IQCM: variants seen among roughly 807,000 people sequenced by gnomAD.
IQCM encodes the protein IQ domain-containing protein M.
In IQCM, 45 loss-of-function variants were observed where a neutral mutation model predicts 57.6. The observed-to-expected ratio is 0.78, with a 90% CI of 0.62 to 1.00. The LOEUF (loss-of-function observed/expected upper bound fraction) is 1.00. Ranked by LOEUF, IQCM falls within the 50% of genes least tolerant of loss-of-function variation. The pLI is 0.00. For missense variants in IQCM, 468 were observed against 511.6 expected (o/e 0.91, Z 0.82); for synonymous variants, 148 against 158.9 (o/e 0.93, Z 0.51).
At chr4:149,808,652 C>G (rs1478250814) in intron 2 of IQCM, among the ~76,000 whole-genome samples, 1 of 152,034 alleles carries the variant, frequency 6.6e-6, no homozygotes, top group Non-Finnish European at 1.5e-5. Context: ...CAAAATACCA[C>G]ATGTATCCCC....
chr4:149,413,451 A>G (rs11099731), intron 13 of IQCM, among the ~76,000 whole-genome samples: 58,246 of 152,016 alleles, frequency 0.38, 12,017 homozygotes, highest in East Asian at 0.51. Flanking sequence ...AGGGGAGTGC[A>G]AATGCCAGGA....
intron 12 of IQCM, among the ~76,000 whole-genome samples, chr4:149,514,030 A>C (rs537045315): frequency 6.6e-6 from 1 of 152,212 alleles, no homozygotes; most frequent in South Asian, 2.1e-4. Context: ...TTTATGTGTC[A>C]CTCAAATATA....
rs151031049 is a variant in IQCM at position 149,511,599 on chromosome 4, G to C, written c.1228+36856C>G. ...TTAAACATTTAAAAAAATGTATTTC[G>C]TGAGATCTCCAGTTTGGGTCTGGTG... On this transcript the variant is annotated intron_variant, in intron 12 of 13. Coordinates refer to ENST00000636793, the MANE Select transcript of IQCM (RefSeq NM_001363507.2). Among the ~76,000 whole-genome samples the C allele has an allele frequency of 2.8e-3, 421 of 151,820 alleles. 3 individuals are homozygous for C. The highest frequency in any genetic ancestry group is 9.7e-3 in the African/African-American group (402 of 41,396).
At chr4:149,442,448 G>C (rs1012722151) in intron 12 of IQCM, among the ~76,000 whole-genome samples, 1 of 151,880 alleles carries the variant, frequency 6.6e-6, no homozygotes, top group Non-Finnish European at 1.5e-5. Context: ...ACAAAAACAG[G>C]CTGCACATTC....
chr4:149,788,806 A>G (rs1461488748), intron 2 of IQCM, among the ~76,000 whole-genome samples: 1 of 152,228 alleles, frequency 6.6e-6, no homozygotes, highest in African/African-American at 2.4e-5. Context: ...GCAGAATACT[A>G]TTCACCTTAG....
At chr4:149,536,302 T>G (rs1367700261) in intron 12 of IQCM, among the ~76,000 whole-genome samples, 1 of 151,966 alleles carries the variant, frequency 6.6e-6, no homozygotes, top group Non-Finnish European at 1.5e-5. Flanking sequence ...CCTAAATAAA[T>G]GATCAGACGT....
At chr4:149,526,310 T>C (rs753775737) in intron 12 of IQCM, among the ~76,000 whole-genome samples, 1 of 151,950 alleles carries the variant, frequency 6.6e-6, no homozygotes, top group Non-Finnish European at 1.5e-5. Context: ...TCATGGAACA[T>C]TATGAAGACA....
chr4:149,680,485 AGCCT>A (rs1762100360), intron 7 of IQCM, among the ~76,000 whole-genome samples: 1 of 151,294 alleles, frequency 6.6e-6, no homozygotes, highest in Non-Finnish European at 1.5e-5. Flanking sequence ...ATTGAGTTTT[AGCCT>A]AATGTGCAGA....
rs574264999 is a variant in IQCM, at chr4:149,733,840, G to A, written c.121-332C>T. On this transcript the variant is annotated intron_variant, in intron 4 of 13. Transcript: ENST00000636793. ...GTTTCAAGTCTACTGTAAAATAGGA[G>A]TTTTTCAAATAGACATGTAAGAATT... 2.9e-4 allele frequency among the ~76,000 whole-genome samples: 44 copies of A among 152,162 alleles called. No individual in the cohort carries two copies. The South Asian group carries it at 4.6e-3, about 16-fold the overall frequency.
At chr4:149,659,667 A>G (rs1759988788) in intron 7 of IQCM, among the ~76,000 whole-genome samples, 1 of 152,290 alleles carries the variant, frequency 6.6e-6, no homozygotes, top group East Asian at 1.9e-4. Flanking sequence ...AGCCCTCAGA[A>G]ATAACACCGC....
chr4:149,714,671 A>G (rs1271523172), intron 5 of IQCM, among the ~76,000 whole-genome samples: 4 of 152,206 alleles, frequency 2.6e-5, no homozygotes, highest in Non-Finnish European at 4.4e-5. Flanking sequence ...TAGGCACAGT[A>G]AAAGATTAAC....
chr4:149,396,668 G>A (rs1277750822), intron 13 of IQCM, among the ~76,000 whole-genome samples: 1 of 151,942 alleles, frequency 6.6e-6, no homozygotes, highest in African/African-American at 2.4e-5. Flanking sequence ...GAGCTTATTT[G>A]TATTGCTTGA....
At chr4:149,430,950 A>T (rs1734802421) in intron 13 of IQCM, among the ~76,000 whole-genome samples, 1 of 151,996 alleles carries the variant, frequency 6.6e-6, no homozygotes, top group African/African-American at 2.4e-5. Flanking sequence ...CTGTAATTTC[A>T]GCACTTTAGG....
intron 2 of IQCM, among the ~76,000 whole-genome samples, chr4:149,743,249 C>G (rs1767625763): frequency 6.6e-6 from 1 of 152,106 alleles, no homozygotes; most frequent in Admixed American, 6.6e-5. Flanking sequence ...ACTCAGAATG[C>G]CTTGACCTCT....
At chr4:149,694,478 C>T (rs1409877756) in intron 5 of IQCM, among the ~76,000 whole-genome samples, 1 of 152,026 alleles carries the variant, frequency 6.6e-6, no homozygotes, top group East Asian at 1.9e-4. Context: ...ATAATATATA[C>T]ATACTTCCAC....
chr4:149,650,756 C>A (rs1032192559), intron 7 of IQCM, among the ~76,000 whole-genome samples: 6 of 152,080 alleles, frequency 3.9e-5, no homozygotes, highest in African/African-American at 1.2e-4. Flanking sequence ...AAGAAACTAA[C>A]GCACCCTAGT....
intron 8 of IQCM, among the ~76,000 whole-genome samples, chr4:149,593,918 C>CT (rs1554003730): frequency 2.0e-5 from 3 of 151,902 alleles, no homozygotes; most frequent in Non-Finnish European, 2.9e-5. Flanking sequence ...CTAAAATTCT[C>CT]TTTTTTTGTT....
intron 2 of IQCM, among the ~76,000 whole-genome samples, chr4:149,788,199 T>C (rs1438878553): frequency 6.6e-6 from 1 of 152,128 alleles, no homozygotes; most frequent in Non-Finnish European, 1.5e-5. Context: ...CTGGGCATGG[T>C]GGCACAAGTC....
chr4:149,592,881 C>T (rs1326188760), intron 8 of IQCM, among the ~76,000 whole-genome samples: 2 of 152,108 alleles, frequency 1.3e-5, no homozygotes, highest in Non-Finnish European at 2.9e-5. Context: ...AGTTTGAAGT[C>T]AGGTAGTGTG....
Sources: gnomAD v4.1 joint callset for allele counts (sites outside exome capture counted in the v4.1 genomes callset) on GRCh38, gnomAD v4.1.1 for gene constraint, MANE v1.5 for transcripts, NCBI Gene and HGNC (gene_info 2026-07-23, HGNC 2026-07-21) for gene names.